COLQ: variants seen among roughly 807,000 people sequenced by gnomAD.
The protein encoded by COLQ is collagen like tail subunit of asymmetric acetylcholinesterase.
Under a neutral mutation model 69.0 loss-of-function variants are expected in COLQ, and 48 were observed. That is an observed-to-expected ratio of 0.70 (90% CI 0.55 to 0.88). The LOEUF is 0.88. Ranked by LOEUF, COLQ falls within the 40% of genes least tolerant of loss-of-function variation. The probability of loss-of-function intolerance (pLI) is 0.00; values close to 1 mark genes in which losing one functional copy is unlikely to be tolerated. For missense variants in COLQ, 618 were observed against 594.6 expected (o/e 1.04, Z -0.41); for synonymous variants, 217 against 211.2 (o/e 1.03, Z -0.24).
chr3:15,495,746 C>T (rs73146170), intron 1 of COLQ, among the ~76,000 whole-genome samples: 2 of 152,274 alleles, frequency 1.3e-5, no homozygotes, highest in East Asian at 3.9e-4. Context: ...ACATTGTTCC[C>T]GAACTTGACA....
intron 1 of COLQ, among the ~76,000 whole-genome samples, chr3:15,512,154 A>C (rs1465249045): frequency 1.3e-5 from 2 of 152,230 alleles, no homozygotes; most frequent in Non-Finnish European, 2.9e-5. Flanking sequence ...CAAAGAAGGA[A>C]GAGGAGAGTG....
intron 3 of COLQ, among the ~76,000 whole-genome samples, chr3:15,484,744 C>T (rs138748328): frequency 1.3e-3 from 203 of 152,264 alleles, no homozygotes; most frequent in East Asian, 7.3e-3. Flanking sequence ...GTGTAGTTCT[C>T]GTGCTGTGGT....
In COLQ at chr3:15,470,735, C is replaced by T. The variant is rs905647; in HGVS notation, c.637-119G>A. ...TCTACTTGATCATTCCGAATCTATG[C>T]CAACTGGGCTGCCCTGCAAGGTTAG... is the stretch of plus-strand genomic sequence containing the variant. On this transcript the variant is annotated intron_variant, in intron 10 of 16. Coordinates refer to ENST00000383788, the MANE Select transcript of COLQ (RefSeq NM_005677.4). The T allele has an allele frequency of 0.099, 92,628 of 931,552 alleles. 5,531 individuals carry two copies. Among genetic ancestry groups the T allele is most frequent in the Admixed American group, 0.2 (10,958 of 55,838 alleles). The allele number at this position is 931,552 out of a possible 1,614,324, so 57.7% of individuals were successfully genotyped here.
chr3:15,479,129 C>T, intron 4 of COLQ, 126 bp from the exon 5 acceptor site: 1 of 1,285,580 alleles, frequency 7.8e-7, no homozygotes, highest in Non-Finnish European at 1.1e-6. Context: ...TGCTCACGGC[C>T]CCTCTGCCAT....
rs1406046885 is a variant in COLQ, at chr3:15,479,352, G to A, written c.352C>T (p.Pro118Ser). 2 of 1,614,064 alleles carry A rather than the reference G, an allele frequency of 1.2e-6. No individual in the cohort carries two copies. Among genetic ancestry groups the A allele is most frequent in the Admixed American group, 1.7e-5 (1 of 60,026 alleles). Reference protein sequence around the residue: ...GPPGLPGKTGPKGEKGELGRP... With the variant: ...GPPGLPGKTGSKGEKGELGRP... ...GTGGTCCATACCTTTTCTCCCTTTG[G>A]TCCTGTCTTGCCAGGAAGCCCCGGT... The change falls in exon 4 of 17, where the codon CCA becomes TCA. Residue 118 changes from proline (P) to serine (S), a missense_variant. Coordinates refer to ENST00000383788, the MANE Select transcript of COLQ (RefSeq NM_005677.4).
rs924593823 is a variant in COLQ, at chr3:15,456,699, G to A, written c.955-120C>T. 8 of 1,278,980 alleles carry A rather than the reference G, an allele frequency of 6.3e-6. No individual in the cohort carries two copies. In the African/African-American group the frequency reaches 1.0e-4, roughly 16 times the overall value. 79.2% of individuals were successfully genotyped at this position (1,278,980 alleles called of 1,614,324 possible). On this transcript the variant is annotated intron_variant, in intron 13 of 16. Transcript: ENST00000383788. ...TGCTCAACAGTGGGAAGAGGGGTTT[G>A]CACACTACACTCTAGCATTCCTTCT...
At position 15,456,461 on chromosome 3, in the gene COLQ, T is replaced by C. The variant is rs1469438111; in HGVS notation, c.1073A>G (p.Gln358Arg). 3 of 1,614,070 alleles carry C rather than the reference T, an allele frequency of 1.9e-6. No homozygotes were observed. Among genetic ancestry groups the C allele is most frequent in the Non-Finnish European group, 2.5e-6 (3 of 1,180,010 alleles). The part of the protein sequence containing the change: ...FKDSLGWLPI[Q>R]LTPFYPVDYT... Reference sequence around the variant, plus strand: ...CCTGAGGTAATGGCCTGGGGGTACCTGGATGGGGAGCCAGCCAAGGCTGTC... The same window carrying C: ...CCTGAGGTAATGGCCTGGGGGTACCCGGATGGGGAGCCAGCCAAGGCTGTC... The change falls in exon 14 of 17, where the codon CAG becomes CGG. Residue 358 changes from glutamine (Q) to arginine (R), a missense_variant and splice_region_variant. Gln to Arg is a conservative substitution (Grantham distance 43, BLOSUM62 1). Transcript: ENST00000383788.
intron 1 of COLQ, among the ~76,000 whole-genome samples, chr3:15,502,879 G>A (rs753596927): frequency 2.6e-5 from 4 of 152,178 alleles, no homozygotes; most frequent in Admixed American, 6.5e-5. Flanking sequence ...ATCACGAAAC[G>A]ACGATGACCC....
chr3:15,514,983 TA>T (rs2063039929), intron 1 of COLQ, among the ~76,000 whole-genome samples: 1 of 152,240 alleles, frequency 6.6e-6, no homozygotes, highest in South Asian at 2.1e-4. Context: ...TGTTAGCCAC[TA>T]AGGCAATTTT....
In COLQ at chr3:15,451,425, T is replaced by C; in HGVS notation, c.*219A>G. 1 of 679,352 alleles carries C rather than the reference T, an allele frequency of 1.5e-6. No homozygotes were observed. The highest frequency in any genetic ancestry group is 2.7e-6 in the Non-Finnish European group (1 of 368,168). 42.1% of individuals were successfully genotyped at this position (679,352 alleles called of 1,614,324 possible). A position where few individuals can be genotyped will look rare whatever the true frequency, so the allele number is the denominator to read the frequency against. On this transcript the variant is annotated 3_prime_UTR_variant, in exon 17 of 17. Coordinates refer to ENST00000383788, the MANE Select transcript of COLQ (RefSeq NM_005677.4). The stretch of plus-strand genomic sequence containing the variant: ...TGGGGAACAGGTCTCAGGTTGGGCA[T>C]GTGGAAGGTTTTCCAGTACCTTGGA...
chr3:15,474,178 G>T (rs932294346), intron 9 of COLQ, 50 bp downstream of exon 9: 17 of 1,607,112 alleles, frequency 1.1e-5, no homozygotes, highest in Non-Finnish European at 1.4e-5. Context: ...GGTGGGGGCT[G>T]CTACTTGCAC....
At chr3:15,457,181 T>C (rs1019086233) in intron 13 of COLQ, among the ~76,000 whole-genome samples, 2 of 152,138 alleles carry the variant, frequency 1.3e-5, no homozygotes, top group Non-Finnish European at 2.9e-5. Flanking sequence ...TAAAAGGCAA[T>C]GTCATATAGT....
In COLQ at chr3:15,458,264, A is replaced by G; in HGVS notation, c.876T>C (p.Leu292=). Residue 292 remains leucine (L), a synonymous_variant, in exon 13 of 17, where the codon CTT becomes CTC. Transcript: ENST00000383788. ...TATTCACATTCATAGTGGGTCCACA[A>G]AGACATCTTCCTGGAGGCCCGGGAA... ...RGFPGPPGRC[L]CGPTMNVNNP... 1.2e-6 allele frequency: 2 copies of G among 1,614,164 alleles called. No individual in the cohort carries two copies. Among genetic ancestry groups the G allele is most frequent in the Non-Finnish European group, 1.7e-6 (2 of 1,180,020 alleles).
At chr3:15,512,242 T>G (rs114134053) in intron 1 of COLQ, among the ~76,000 whole-genome samples, 2,207 of 152,332 alleles carry the variant, frequency 0.014, 19 homozygotes, top group Admixed American at 0.026. Context: ...TGCTTCCTTC[T>G]TTTCTTTCCT....
At chr3:15,510,368 G>A (rs1031284252) in intron 1 of COLQ, among the ~76,000 whole-genome samples, 1 of 152,036 alleles carries the variant, frequency 6.6e-6, no homozygotes, top group Admixed American at 6.5e-5. Context: ...CTAAAATGGA[G>A]ACTCTTATTA....
intron 13 of COLQ, among the ~76,000 whole-genome samples, chr3:15,457,780 T>C (rs2125088392): frequency 6.6e-6 from 1 of 152,204 alleles, no homozygotes; most frequent in Non-Finnish European, 1.5e-5. Flanking sequence ...GCCCGGCTAA[T>C]TTTTTAAATA....
chr3:15,462,836 G>A (rs1435545438), intron 12 of COLQ, among the ~76,000 whole-genome samples: 1 of 152,180 alleles, frequency 6.6e-6, no homozygotes, highest in Non-Finnish European at 1.5e-5. Context: ...ATGGACAGAA[G>A]GTGAGAGGAG....
chr3:15,454,109 G>A (rs946213053), intron 15 of COLQ, among the ~76,000 whole-genome samples, 178 bp from the exon 16 acceptor site: 5 of 152,150 alleles, frequency 3.3e-5, no homozygotes, highest in Admixed American at 2.0e-4. Context: ...GTCCCACAGC[G>A]ATGTGCCATG....
rs1240918953 is a variant in COLQ at position 15,521,570 on chromosome 3, G to C, written c.56C>G (p.Ser19Cys). The stretch of plus-strand genomic sequence containing the variant: ...GATGAAAGTCGGCTGAGACACGATA[G>C]AGAGGAAGAAAAGCTGAAGATAAAT... ...LGIYLQLFFLSIVSQPTFINS... is the reference protein window; with the variant it reads ...LGIYLQLFFLCIVSQPTFINS... The change falls in exon 1 of 17, where the codon TCT becomes TGT. Residue 19 changes from serine (S) to cysteine (C), a missense_variant. Coordinates refer to ENST00000383788, the MANE Select transcript of COLQ (RefSeq NM_005677.4). The C allele has an allele frequency of 6.2e-7, 1 of 1,614,196 alleles. No homozygotes were observed. The highest frequency in any genetic ancestry group is 1.7e-5 in the Admixed American group (1 of 60,028).
Sources: allele counts gnomAD v4.1 joint callset (sites outside exome capture counted in the v4.1 genomes callset), GRCh38; gene constraint gnomAD v4.1.1; transcripts MANE v1.5; gene names NCBI Gene and HGNC (gene_info 2026-07-23, HGNC 2026-07-21).